The following ZFAT variants were observed in gnomAD, a reference collection of about 807,000 sequenced individuals.
ZFAT encodes the protein zinc finger and AT-hook domain containing, also known as zinc finger protein ZFAT.
In ZFAT, 64 loss-of-function variants were observed where a neutral mutation model predicts 117.7. The observed-to-expected ratio is 0.54, with a 90% CI of 0.44 to 0.67. The LOEUF (loss-of-function observed/expected upper bound fraction) is 0.67. Among genes scored for constraint, ZFAT ranks in the 30% least tolerant of loss-of-function variants. ZFAT has a pLI of 0.00. For missense variants in ZFAT, 1,433 were observed against 1,584.5 expected, an observed-to-expected ratio of 0.90 and a Z score of 1.62; for synonymous variants, 679 against 615.0, an observed-to-expected ratio of 1.10 and a Z score of -1.54.
intron 11 of ZFAT, among the ~76,000 whole-genome samples, chr8:134,544,048 A>G (rs978216094): frequency 2.0e-5 from 3 of 152,220 alleles, no homozygotes; most frequent in African/African-American, 7.2e-5. Flanking sequence ...GCTCCCATCC[A>G]TTCTTCACGA....
intron 3 of ZFAT, among the ~76,000 whole-genome samples, chr8:134,615,395 GC>G (rs1413704418): frequency 2.0e-5 from 3 of 152,098 alleles, no homozygotes; most frequent in Admixed American, 6.5e-5. Context: ...CGCCATGTTA[GC>G]CAGACTGGTC....
At chr8:134,664,809 T>C (rs544076099) in intron 1 of ZFAT, among the ~76,000 whole-genome samples, 2 of 152,366 alleles carry the variant, frequency 1.3e-5, no homozygotes, top group Non-Finnish European at 2.9e-5. Flanking sequence ...CTGATGAAGA[T>C]GCTATAATTT....
chr8:134,795,840 T>G, the ZFAT span: 1 of 152,268 alleles, frequency 6.6e-6, no homozygotes, highest in Admixed American at 6.5e-5. Context: ...AGCCTCATCT[T>G]GTGCTTTGGG....
intron 15 of ZFAT, among the ~76,000 whole-genome samples, chr8:134,484,380 G>A (rs1817525883): frequency 6.6e-6 from 1 of 152,196 alleles, no homozygotes; most frequent in Non-Finnish European, 1.5e-5. Context: ...ATGATAAAGA[G>A]AACCATCTGG....
At chr8:134,628,665 A>T (rs1829684175) in intron 3 of ZFAT, among the ~76,000 whole-genome samples, 1 of 152,240 alleles carries the variant, frequency 6.6e-6, no homozygotes, top group South Asian at 2.1e-4. Flanking sequence ...TGTGTGTATT[A>T]TAACACCTAT....
the ZFAT span, chr8:134,805,023 A>G: frequency 8.6e-6 from 4 of 466,256 alleles, no homozygotes; most frequent in East Asian, 1.3e-4. Context: ...AATAATTTAT[A>G]TAATTTCTAG....
chr8:134,824,360 T>TA, the ZFAT span, among the ~76,000 whole-genome samples: 2 of 152,048 alleles, frequency 1.3e-5, no homozygotes, highest in African/African-American at 4.8e-5. Context: ...GTAATAACAA[T>TA]AAAAAAATAG....
upstream of ZFAT, among the ~76,000 whole-genome samples, chr8:134,717,393 A>G (rs1037734383): frequency 6.8e-6 from 1 of 147,838 alleles, no homozygotes; most frequent in South Asian, 2.2e-4. Context: ...TGGTCCAATA[A>G]GGGCAGTCCT....
the ZFAT span, among the ~76,000 whole-genome samples, chr8:134,782,814 A>G: frequency 1.3e-5 from 2 of 152,128 alleles, no homozygotes; most frequent in Non-Finnish European, 2.9e-5. Flanking sequence ...AGTCTCGGGT[A>G]TGTCTTTATC....
At chr8:134,486,404 C>T (rs1817660284) in intron 15 of ZFAT, among the ~76,000 whole-genome samples, 1 of 152,200 alleles carries the variant, frequency 6.6e-6, no homozygotes, top group Non-Finnish European at 1.5e-5. Flanking sequence ...GCCACCACCA[C>T]CAAGAGGTCA....
At chr8:134,590,722 C>G (rs1176231187) in intron 7 of ZFAT, among the ~76,000 whole-genome samples, 1 of 122,044 alleles carries the variant, frequency 8.2e-6, no homozygotes, top group Non-Finnish European at 1.7e-5. Context: ...TCACCATTAC[C>G]ACCACCACCA....
At chr8:134,715,443 A>G (rs1005314735), upstream of ZFAT, among the ~76,000 whole-genome samples, 6 of 152,230 alleles carry the variant, frequency 3.9e-5, no homozygotes, top group African/African-American at 1.4e-4. Flanking sequence ...GAAATGACTA[A>G]GAGATGGCCC....
At chr8:134,554,912 C>G (rs188423646) in intron 11 of ZFAT, among the ~76,000 whole-genome samples, 1 of 152,324 alleles carries the variant, frequency 6.6e-6, no homozygotes, top group Non-Finnish European at 1.5e-5. Context: ...TAGAGTTGTT[C>G]AGAGCCCAGA....
At chr8:134,783,003 A>T in the ZFAT span, among the ~76,000 whole-genome samples, 1 of 151,828 alleles carries the variant, frequency 6.6e-6, no homozygotes, top group Non-Finnish European at 1.5e-5. Context: ...ACACACACAC[A>T]TTTATTTTCA....
chr8:134,576,045 G>A (rs1028898843), intron 10 of ZFAT, among the ~76,000 whole-genome samples: 5 of 152,164 alleles, frequency 3.3e-5, no homozygotes, highest in African/African-American at 9.7e-5. Context: ...GAAAGAAACC[G>A]AAGGCAGCAC....
At chr8:134,782,684 T>C in the ZFAT span, among the ~76,000 whole-genome samples, 8 of 152,262 alleles carry the variant, frequency 5.3e-5, no homozygotes, top group Non-Finnish European at 8.8e-5. Context: ...TTGCTTGATT[T>C]TCATTCTCTT....
the ZFAT span, among the ~76,000 whole-genome samples, chr8:134,827,431 G>C: frequency 6.6e-6 from 1 of 152,084 alleles, no homozygotes; most frequent in Non-Finnish European, 1.5e-5. Context: ...CCCATGTAGT[G>C]GACATACATA....
chr8:134,763,991 C>T, the ZFAT span, among the ~76,000 whole-genome samples: 5 of 152,198 alleles, frequency 3.3e-5, no homozygotes, highest in Admixed American at 2.6e-4. Context: ...TTTTCTAAGC[C>T]TTGTTATACT....
chr8:134,529,003 G>A (rs1821219214), intron 12 of ZFAT, among the ~76,000 whole-genome samples: 1 of 152,172 alleles, frequency 6.6e-6, no homozygotes, highest in Admixed American at 6.5e-5. Flanking sequence ...GGCACTCTCT[G>A]GGAATCTTAG....
Sources: gnomAD v4.1 joint callset for allele counts (sites outside exome capture counted in the v4.1 genomes callset) on GRCh38, gnomAD v4.1.1 for gene constraint, MANE v1.5 for transcripts, NCBI Gene and HGNC (gene_info 2026-07-23, HGNC 2026-07-21) for gene names.